Variants in LONP2 observed in about 807,000 individuals in gnomAD.
LONP2 encodes lon peptidase 2, peroxisomal.
LONP2 carries 60 observed loss-of-function variants against 85.6 expected under a neutral mutation model. That is an observed-to-expected ratio of 0.70 (90% CI 0.57 to 0.87). The LOEUF (loss-of-function observed/expected upper bound fraction) is 0.87, where lower values mean the gene tolerates loss of function less well. Ranked by LOEUF, LONP2 falls within the 40% of genes least tolerant of loss-of-function variation. LONP2 has a pLI of 0.00. For missense variants in LONP2, 860 were observed against 1,063.5 expected (o/e 0.81, Z 2.66); for synonymous variants, 395 against 389.7 (o/e 1.01, Z -0.16).
At chr16:48,261,683 C>A in intron 5 of LONP2, 96 bp downstream of exon 5, 1 of 922,588 alleles carries the variant, frequency 1.1e-6, no homozygotes, top group Non-Finnish European at 1.6e-6. Context: ...ACTGAGGATA[C>A]ATAATACAAA....
downstream of LONP2, chr16:48,357,388 ACTCCTTTGTGCT>A (rs902149512): frequency 6.6e-6 from 1 of 152,108 alleles, no homozygotes; most frequent in African/African-American, 2.4e-5. Flanking sequence ...ACTACCAAAT[ACTCCTTTGTGCT>A]TTGAACATGC....
In LONP2 at chr16:48,312,996, G is replaced by A. The variant is rs528042188; in HGVS notation, c.1795+9691G>A. On this transcript the variant is annotated intron_variant, in intron 11 of 14. Coordinates refer to ENST00000285737, the MANE Select transcript of LONP2 (RefSeq NM_031490.5). ...CCCCCTGAATGGGTACTTAGGGCCT[G>A]GGATAAAATTTCCAGAGGCTGCCTC... Among the ~76,000 whole-genome samples the A allele has an allele frequency of 4.6e-5, 7 of 152,220 alleles. 1 individual carries two copies. The highest frequency in any genetic ancestry group is 2.1e-4 in the South Asian group (1 of 4,818).
chr16:48,265,839 GT>G (rs1971978394), intron 6 of LONP2, among the ~76,000 whole-genome samples: 1 of 152,042 alleles, frequency 6.6e-6, no homozygotes, highest in Non-Finnish European at 1.5e-5. Flanking sequence ...CATTCTTCTA[GT>G]CTACGAACAT....
chr16:48,277,547 T>C, intron 8 of LONP2, 68 bp downstream of exon 8: 1 of 1,511,592 alleles, frequency 6.6e-7, no homozygotes, highest in Non-Finnish European at 9.1e-7. Context: ...GATAATCATA[T>C]TCAAGTGATA....
intron 11 of LONP2, among the ~76,000 whole-genome samples, chr16:48,318,777 T>C (rs1973199368): frequency 6.6e-6 from 1 of 152,192 alleles, no homozygotes; most frequent in Non-Finnish European, 1.5e-5. Flanking sequence ...GCCTCTTCTC[T>C]TAGCCTTTCT....
chr16:48,306,434 G>A (rs557190717), intron 11 of LONP2, among the ~76,000 whole-genome samples: 121 of 152,182 alleles, frequency 8.0e-4, no homozygotes, highest in African/African-American at 2.7e-3. Context: ...GTTTTTCATG[G>A]TAACATTTAT....
intron 6 of LONP2, among the ~76,000 whole-genome samples, chr16:48,266,518 C>T (rs540899915): frequency 5.2e-4 from 79 of 151,956 alleles, no homozygotes; most frequent in Non-Finnish European, 1.1e-3. Context: ...CCTTCTTCCC[C>T]GCCCCTTTCC....
intron 7 of LONP2, among the ~76,000 whole-genome samples, chr16:48,273,276 T>G (rs1263924272): frequency 6.6e-6 from 1 of 152,196 alleles, no homozygotes; most frequent in Non-Finnish European, 1.5e-5. Context: ...TTGCTAAAAG[T>G]ACCTGCGTAT....
intron 8 of LONP2, among the ~76,000 whole-genome samples, chr16:48,288,117 A>G (rs1033510072): frequency 2.7e-5 from 4 of 147,852 alleles, no homozygotes; most frequent in African/African-American, 1.0e-4. Flanking sequence ...AGTAATATAT[A>G]TGTAAATAAA....
chr16:48,286,600 G>A (rs919684437), intron 8 of LONP2, among the ~76,000 whole-genome samples: 1 of 151,898 alleles, frequency 6.6e-6, no homozygotes, highest in African/African-American at 2.4e-5. Flanking sequence ...CCTTACCCAG[G>A]CTCAAGTGAC....
intron 11 of LONP2, among the ~76,000 whole-genome samples, chr16:48,329,509 G>A (rs941730152): frequency 2.0e-5 from 3 of 152,054 alleles, no homozygotes; most frequent in African/African-American, 7.2e-5. Context: ...GGCATTCTGG[G>A]TTTATTTTAT....
chr16:48,259,366 C>G (rs1292970903), intron 4 of LONP2, among the ~76,000 whole-genome samples: 2 of 152,186 alleles, frequency 1.3e-5, no homozygotes, highest in Admixed American at 1.3e-4. Context: ...ATTAAATAAT[C>G]CTTCCCATCC....
intron 8 of LONP2, among the ~76,000 whole-genome samples, chr16:48,279,088 A>T (rs896932731): frequency 3.9e-5 from 6 of 152,156 alleles, no homozygotes; most frequent in Non-Finnish European, 8.8e-5. Context: ...TTATAGATAT[A>T]TTTTAAAATT....
intron 11 of LONP2, among the ~76,000 whole-genome samples, chr16:48,321,427 A>T (rs529091338): frequency 6.6e-6 from 1 of 152,166 alleles, no homozygotes; most frequent in African/African-American, 2.4e-5. Context: ...CTAAAGATGG[A>T]TTCCTATGTT....
At chr16:48,350,124 G>A (rs1268818319) in intron 14 of LONP2, among the ~76,000 whole-genome samples, 3 of 152,182 alleles carry the variant, frequency 2.0e-5, no homozygotes, top group African/African-American at 4.8e-5. Flanking sequence ...GGTGGCTCAC[G>A]CCTGTAACTC....
At chr16:48,317,417 T>G (rs1401621079) in intron 11 of LONP2, among the ~76,000 whole-genome samples, 1 of 152,206 alleles carries the variant, frequency 6.6e-6, no homozygotes, top group East Asian at 1.9e-4. Context: ...AATTCTGAAT[T>G]ATGGTGATAC....
At chr16:48,279,779 T>C (rs1972288479) in intron 8 of LONP2, among the ~76,000 whole-genome samples, 3 of 152,230 alleles carry the variant, frequency 2.0e-5, no homozygotes, top group African/African-American at 4.8e-5. Flanking sequence ...TGCAAATTGA[T>C]TTGTAAAATT....
intron 6 of LONP2, among the ~76,000 whole-genome samples, chr16:48,267,220 C>T (rs1972008579): frequency 6.6e-6 from 1 of 152,108 alleles, no homozygotes; most frequent in African/African-American, 2.4e-5. Flanking sequence ...TAAAAGGAGT[C>T]ATGTTAAGCT....
Position 48,347,579 on chromosome 16 carries a change from T to C in LONP2, c.2011T>C (p.Phe671Leu). 1.2e-6 allele frequency: 2 copies of C among 1,614,270 alleles called. No individual in the cohort carries two copies. The highest frequency in any genetic ancestry group is 8.5e-7 in the Non-Finnish European group (1 of 1,180,048). Residue 671 changes from phenylalanine to leucine, a missense_variant, in exon 13 of 15, where the codon TTC (phenylalanine) becomes CTC (leucine). Phe to Leu is a conservative substitution (Grantham distance 22). This residue lies in a region of LONP2 where 743 missense variants were observed against 917.3 expected (regional missense o/e 0.81). Transcript: ENST00000285737. ...GACTCCCTTAGGTGGAGAAATCATG[T>C]TCGTGGAGGCGAGTCGAATGGATGG... is the stretch of plus-strand genomic sequence containing the variant. ...AWTPLGGEIM[F>L]VEASRMDGEG...
Sources: allele counts gnomAD v4.1 joint callset (sites outside exome capture counted in the v4.1 genomes callset), GRCh38; gene constraint gnomAD v4.1.1; regional missense constraint gnomAD v4.1.1; transcripts MANE v1.5; gene names NCBI Gene and HGNC (gene_info 2026-07-23, HGNC 2026-07-21).